The following IGSF11 variants were observed in gnomAD, a reference collection of about 807,000 sequenced individuals.
The protein encoded by IGSF11 is CXADR like 1.
Under a neutral mutation model 41.0 loss-of-function variants are expected in IGSF11, and 22 were observed. The ratio of observed to expected loss-of-function variants is 0.54; its 90% confidence interval spans 0.38 to 0.77. IGSF11 has a LOEUF of 0.77. IGSF11 is among the 30% of genes least tolerant of loss of function. The pLI, the probability that IGSF11 is intolerant of heterozygous loss-of-function variation, is 0.00. For missense variants in IGSF11, 444 were observed against 530.8 expected (o/e 0.84, Z 1.61); for synonymous variants, 219 against 201.3 (o/e 1.09, Z -0.74).
At chr3:118,967,282 A>T (rs1052866005) in intron 1 of IGSF11, among the ~76,000 whole-genome samples, 6 of 152,172 alleles carry the variant, frequency 3.9e-5, no homozygotes, top group Non-Finnish European at 2.9e-5. Flanking sequence ...TGAGTAAAAA[A>T]GTTTATAAAA....
In IGSF11 at chr3:119,056,741, G is replaced by A. The variant is rs1296924813; in HGVS notation, c.49+48403C>T. ...AGTCTCAATAAAATACTGGCAAACCGAATCCAGCAGCACATCAAAAAGCTT... is the reference window on the plus strand; with the variant it reads ...AGTCTCAATAAAATACTGGCAAACCAAATCCAGCAGCACATCAAAAAGCTT... On this transcript the variant is annotated intron_variant, in intron 1 of 6. Coordinates refer to the IGSF11 transcript ENST00000354673. Among the ~76,000 whole-genome samples the A allele has an allele frequency of 2.6e-5, 4 of 152,066 alleles. No homozygotes were observed. In the South Asian group the frequency reaches 8.3e-4, roughly 32 times the overall value.
intron 1 of IGSF11, among the ~76,000 whole-genome samples, chr3:119,085,369 C>G (rs949571910): frequency 1.3e-5 from 2 of 152,164 alleles, no homozygotes; most frequent in Non-Finnish European, 2.9e-5. Context: ...CTGAAAACTT[C>G]CATAAATGAA....
chr3:118,961,294 A>G (rs555507440), intron 1 of IGSF11, among the ~76,000 whole-genome samples: 2 of 152,324 alleles, frequency 1.3e-5, no homozygotes, highest in Non-Finnish European at 2.9e-5. Context: ...CTCTGCTAAC[A>G]AAGTCCCTGC....
At position 118,955,426 on chromosome 3, in the gene IGSF11, T is replaced by C. The variant is rs147109195; in HGVS notation, c.53-25151A>G. On this transcript the variant is annotated intron_variant, in intron 1 of 6. Coordinates refer to ENST00000393775, the MANE Select transcript of IGSF11 (RefSeq NM_001015887.3). ...GGTGGGAGCTAAGCTGTGAGGGTTA[T>C]CATCTATAATTTTTATGGTTTCAGG... is the stretch of plus-strand genomic sequence containing the variant. Among the ~76,000 whole-genome samples the C allele has an allele frequency of 3.4e-3, 520 of 151,992 alleles. 3 individuals are homozygous for C. Among genetic ancestry groups the C allele is most frequent in the African/African-American group, 0.011 (464 of 41,490 alleles).
In IGSF11 at chr3:119,097,957, ATT is replaced by A. The variant is rs377746200; in HGVS notation, c.49+7185_49+7186del. Among the ~76,000 whole-genome samples, 26 of 58,362 alleles carry A rather than the reference ATT, an allele frequency of 4.5e-4. 1 individual carries two copies. Among genetic ancestry groups the A allele is most frequent in the South Asian group, 4.3e-3 (4 of 928 alleles). The allele number at this position is 58,362 out of a possible 152,430, so 38.3% of individuals were successfully genotyped here. ...AGGCACATGCCACCACATTCAGCTA[ATT>A]TTTTTTTTTTTTTTTTTTTTTTTTT... is the stretch of plus-strand genomic sequence containing the variant. On this transcript the variant is annotated intron_variant, in intron 1 of 6. Coordinates refer to the IGSF11 transcript ENST00000354673.
At chr3:119,134,639 C>T (rs1312307576) in intron 1 of IGSF11, among the ~76,000 whole-genome samples, 1 of 152,070 alleles carries the variant, frequency 6.6e-6, no homozygotes, top group Non-Finnish European at 1.5e-5. Flanking sequence ...GCCATACTGC[C>T]CAAGGTAATT....
intron 1 of IGSF11, among the ~76,000 whole-genome samples, chr3:119,076,540 A>G (rs1355719642): frequency 6.6e-6 from 1 of 152,236 alleles, no homozygotes; most frequent in Non-Finnish European, 1.5e-5. Context: ...TCCAGAATCT[A>G]CAAAGAACTC....
chr3:118,945,257 A>C (rs1277441678), intron 1 of IGSF11, among the ~76,000 whole-genome samples: 1 of 152,232 alleles, frequency 6.6e-6, no homozygotes, highest in Non-Finnish European at 1.5e-5. Context: ...CTAGTCATAT[A>C]ATCGTCCCAG....
chr3:119,073,939 G>T (rs559544040), intron 1 of IGSF11, among the ~76,000 whole-genome samples: 13 of 152,198 alleles, frequency 8.5e-5, no homozygotes, highest in Non-Finnish European at 1.8e-4. Flanking sequence ...GGGACGCGAG[G>T]GCTGCCAGCA....
At chr3:118,964,388 G>C (rs893684894) in intron 1 of IGSF11, among the ~76,000 whole-genome samples, 3 of 152,040 alleles carry the variant, frequency 2.0e-5, no homozygotes. Context: ...AGAATGGGCA[G>C]AGCTAAAGAG....
chr3:119,084,832 G>T (rs776876379), intron 1 of IGSF11, among the ~76,000 whole-genome samples: 28 of 152,248 alleles, frequency 1.8e-4, no homozygotes, highest in Non-Finnish European at 3.2e-4. Flanking sequence ...CCACGAGCAG[G>T]TCCTGGTGTT....
chr3:118,944,125 G>T (rs975112949), intron 1 of IGSF11, among the ~76,000 whole-genome samples: 2 of 152,060 alleles, frequency 1.3e-5, no homozygotes, highest in African/African-American at 4.8e-5. Context: ...GTTTGTGTTA[G>T]TACTAATTTA....
intron 4 of IGSF11, among the ~76,000 whole-genome samples, chr3:118,924,190 A>G (rs1290867846): frequency 6.6e-6 from 1 of 152,122 alleles, no homozygotes; most frequent in South Asian, 2.1e-4. Context: ...GAATTGTCCT[A>G]GATTTGGCCA....
At chr3:119,133,032 T>G (rs967826947) in intron 1 of IGSF11, among the ~76,000 whole-genome samples, 2 of 152,068 alleles carry the variant, frequency 1.3e-5, no homozygotes, top group African/African-American at 4.8e-5. Context: ...AACAACGACA[T>G]AACATACCAG....
At chr3:118,999,331 T>C (rs868482283) in intron 1 of IGSF11, among the ~76,000 whole-genome samples, 1 of 152,142 alleles carries the variant, frequency 6.6e-6, no homozygotes, top group Non-Finnish European at 1.5e-5. Context: ...GAAAACATAT[T>C]GCTCAATGAC....
At chr3:119,050,080 T>A (rs1224912885) in intron 1 of IGSF11, among the ~76,000 whole-genome samples, 1 of 149,104 alleles carries the variant, frequency 6.7e-6, no homozygotes, top group Non-Finnish European at 1.5e-5. Flanking sequence ...ATTCAGGACA[T>A]AGGCATGGGC....
chr3:119,004,378 G>C (rs544658031), intron 1 of IGSF11, among the ~76,000 whole-genome samples: 3,965 of 150,940 alleles, frequency 0.026, 142 homozygotes, highest in African/African-American at 0.091. Flanking sequence ...TCTTGCTAGC[G>C]GTCTATCAAT....
intron 1 of IGSF11, among the ~76,000 whole-genome samples, chr3:119,009,972 T>C (rs1937907558): frequency 6.6e-6 from 1 of 152,184 alleles, no homozygotes; most frequent in Non-Finnish European, 1.5e-5. Flanking sequence ...GTAAGATATT[T>C]TGATATTTTG....
intron 1 of IGSF11, among the ~76,000 whole-genome samples, chr3:118,994,771 G>A (rs116358192): frequency 0.013 from 1,963 of 152,272 alleles, 44 homozygotes; most frequent in African/African-American, 0.045. Flanking sequence ...GCAAACTACA[G>A]GAATAAGCAT....
Sources: gnomAD v4.1 joint callset for allele counts (sites outside exome capture counted in the v4.1 genomes callset) on GRCh38, gnomAD v4.1.1 for gene constraint, MANE v1.5 for transcripts, NCBI Gene and HGNC (gene_info 2026-07-23, HGNC 2026-07-21) for gene names.